RBFOX1: variants seen among roughly 807,000 people sequenced by gnomAD.
RBFOX1 encodes the protein RNA binding fox-1 homolog 1, also known as RNA binding protein fox-1 homolog 1.
Under a neutral mutation model 57.7 loss-of-function variants are expected in RBFOX1, and 8 were observed. The observed-to-expected ratio is 0.14, with a 90% CI of 0.08 to 0.25. The LOEUF (loss-of-function observed/expected upper bound fraction) is 0.25. RBFOX1 is among the 10% of genes least tolerant of loss of function. The probability of loss-of-function intolerance (pLI) is 1.00; values close to 1 mark genes in which losing one functional copy is unlikely to be tolerated. For synonymous variants in RBFOX1, 326 were observed against 222.4 expected (o/e 1.47, Z -4.15); for missense variants, 611 against 548.5 (o/e 1.11, Z -1.14).
intron 4 of RBFOX1, among the ~76,000 whole-genome samples, chr16:7,383,833 G>C (rs995372982): frequency 5.3e-5 from 8 of 152,094 alleles, no homozygotes; most frequent in African/African-American, 1.9e-4. Flanking sequence ...GAGGCGGGCA[G>C]ATCACAAGGT....
At chr16:6,225,464 A>T (rs1054000408) in intron 1 of RBFOX1, among the ~76,000 whole-genome samples, 1 of 152,208 alleles carries the variant, frequency 6.6e-6, no homozygotes, top group Non-Finnish European at 1.5e-5. Flanking sequence ...ATACCCGGGA[A>T]TGATGTCAGT....
chr16:7,521,057 C>A (rs140196386), intron 5 of RBFOX1, among the ~76,000 whole-genome samples: 2 of 151,432 alleles, frequency 1.3e-5, no homozygotes, highest in African/African-American at 2.4e-5. Context: ...ATATGGGTAC[C>A]GTAGGAAAAT....
chr16:6,378,390 C>A (rs2091439755), intron 2 of RBFOX1, among the ~76,000 whole-genome samples: 1 of 152,194 alleles, frequency 6.6e-6, no homozygotes, highest in African/African-American at 2.4e-5. Context: ...CGCTGGGCAT[C>A]TTTCTGCACT....
intron 4 of RBFOX1, among the ~76,000 whole-genome samples, chr16:7,157,846 A>G (rs969831501): frequency 3.3e-5 from 5 of 152,202 alleles, no homozygotes; most frequent in African/African-American, 7.2e-5. Context: ...CTGATAGTCT[A>G]CTTCAGGGAG....
At chr16:5,771,897 G>C (rs993967358) in intron 3 of RBFOX1, among the ~76,000 whole-genome samples, 2 of 152,168 alleles carry the variant, frequency 1.3e-5, no homozygotes, top group South Asian at 2.1e-4. Context: ...GTTTGGGCTG[G>C]GCACAGTGGC....
At chr16:7,494,004 CT>C (rs1359634219) in intron 4 of RBFOX1, among the ~76,000 whole-genome samples, 4 of 152,066 alleles carry the variant, frequency 2.6e-5, no homozygotes, top group African/African-American at 9.7e-5. Context: ...GCAATGGCAC[CT>C]TTTATTTTTT....
At chr16:7,017,760 C>T (rs9924375) in intron 3 of RBFOX1, among the ~76,000 whole-genome samples, 50,251 of 152,026 alleles carry the variant, frequency 0.33, 11,862 homozygotes, top group African/African-American at 0.66. Flanking sequence ...TCCAAACAAA[C>T]ACTGATGAAT....
intron 2 of RBFOX1, among the ~76,000 whole-genome samples, chr16:6,559,823 T>G (rs1419035326): frequency 1.3e-5 from 2 of 152,134 alleles, no homozygotes; most frequent in East Asian, 3.9e-4. Flanking sequence ...GACGACAAAC[T>G]GAAGTTGTTC....
chr16:7,311,148 A>G (rs886395183), intron 4 of RBFOX1, among the ~76,000 whole-genome samples: 4 of 152,176 alleles, frequency 2.6e-5, no homozygotes, highest in East Asian at 3.9e-4. Context: ...TTCAACGTCT[A>G]CATCCCAAGG....
At chr16:6,719,295 G>A (rs1369985238) in intron 3 of RBFOX1, among the ~76,000 whole-genome samples, 3 of 151,782 alleles carry the variant, frequency 2.0e-5, no homozygotes, top group African/African-American at 7.3e-5. Context: ...GAAAAAAAGA[G>A]GAAAAAATAG....
chr16:7,510,887 G>A (rs1600461584), intron 4 of RBFOX1, among the ~76,000 whole-genome samples: 3 of 152,284 alleles, frequency 2.0e-5, no homozygotes, highest in Admixed American at 2.0e-4. Flanking sequence ...GGCTTATTAG[G>A]TTTTGACAAT....
intron 1 of RBFOX1, among the ~76,000 whole-genome samples, chr16:6,030,073 G>A (rs1011173613): frequency 6.6e-6 from 1 of 151,988 alleles, no homozygotes; most frequent in African/African-American, 2.4e-5. Context: ...ACCAAGCCTG[G>A]CTAATTTTCG....
intron 4 of RBFOX1, among the ~76,000 whole-genome samples, chr16:7,397,789 G>A (rs1274923554): frequency 6.6e-6 from 1 of 152,040 alleles, no homozygotes; most frequent in Non-Finnish European, 1.5e-5. Context: ...ATGAACACAG[G>A]TGTTAAAGAG....
intron 2 of RBFOX1, among the ~76,000 whole-genome samples, chr16:5,482,407 C>T (rs563264914): frequency 6.6e-6 from 1 of 152,260 alleles, no homozygotes; most frequent in Admixed American, 6.5e-5. Context: ...CTTCCTGCAG[C>T]CCAGGCGGGG....
chr16:6,042,512 C>T (rs547161965), intron 1 of RBFOX1, among the ~76,000 whole-genome samples: 1 of 152,090 alleles, frequency 6.6e-6, no homozygotes, highest in Non-Finnish European at 1.5e-5. Context: ...CATCTGCAAA[C>T]TTAATTTACA....
intron 3 of RBFOX1, among the ~76,000 whole-genome samples, chr16:5,818,784 A>C (rs1276103468): frequency 6.6e-6 from 1 of 152,152 alleles, no homozygotes; most frequent in African/African-American, 2.4e-5. Context: ...TCCCCTGAGC[A>C]TTGGATCCCT....
At chr16:7,003,688 T>C (rs2093039565) in intron 3 of RBFOX1, among the ~76,000 whole-genome samples, 1 of 152,190 alleles carries the variant, frequency 6.6e-6, no homozygotes, top group Non-Finnish European at 1.5e-5. Flanking sequence ...GAAAGCTTAG[T>C]TGATGCTGTA....
At chr16:6,801,314 TGAGA>T (rs906457666) in intron 3 of RBFOX1, among the ~76,000 whole-genome samples, 8 of 152,050 alleles carry the variant, frequency 5.3e-5, no homozygotes, top group African/African-American at 1.7e-4. Context: ...GATCTACAGT[TGAGA>T]GAGAACCATA....
chr16:5,986,673 A>G (rs1161103302), intron 4 of RBFOX1, among the ~76,000 whole-genome samples: 1 of 152,194 alleles, frequency 6.6e-6, no homozygotes, highest in Non-Finnish European at 1.5e-5. Context: ...TTCACTTAGC[A>G]TAATTCCCTG....
Sources: gnomAD v4.1 joint callset for allele counts (sites outside exome capture counted in the v4.1 genomes callset) on GRCh38, gnomAD v4.1.1 for gene constraint, MANE v1.5 for transcripts, NCBI Gene and HGNC (gene_info 2026-07-23, HGNC 2026-07-21) for gene names.